The following MMP26 variants were observed in gnomAD, a reference collection of about 807,000 sequenced individuals.
The protein encoded by MMP26 is matrix metallopeptidase 26, also known as matrix metalloproteinase-26.
In MMP26, 33 loss-of-function variants were observed where a neutral mutation model predicts 31.0. The observed-to-expected ratio is 1.06, with a 90% confidence interval of 0.81 to 1.42. The LOEUF is 1.42. Among genes scored for constraint, MMP26 ranks in the 40% most tolerant of loss-of-function variants. The pLI, the probability that MMP26 is intolerant of heterozygous loss-of-function variation, is 0.00. For synonymous variants in MMP26, 122 were observed against 114.9 expected (o/e 1.06, Z -0.40); for missense variants, 347 against 316.1 (o/e 1.10, Z -0.74).
At position 4,962,907 on chromosome 11, in the gene MMP26, C is replaced by T. The variant is rs534169018; in HGVS notation, c.-144-25161C>T. 5.3e-5 allele frequency among the ~76,000 whole-genome samples: 8 copies of T among 152,266 alleles called. No individual in the cohort carries two copies. In the South Asian group the frequency reaches 1.7e-3, roughly 32 times the overall value. On this transcript the variant is annotated intron_variant, in intron 2 of 7. Transcript: ENST00000380390. Reference sequence around the variant, plus strand: ...GAAAGTTGATAAATAGTTGAGCCCACATGTCAAAGTACAGGGGAAATAGAA... The same window carrying T: ...GAAAGTTGATAAATAGTTGAGCCCATATGTCAAAGTACAGGGGAAATAGAA...
chr11:4,920,883 GC>G (rs1211139758), intron 2 of MMP26, among the ~76,000 whole-genome samples: 1 of 152,130 alleles, frequency 6.6e-6, no homozygotes, highest in African/African-American at 2.4e-5. Flanking sequence ...AAAATAAAGT[GC>G]TTCTAGTAGT....
intron 2 of MMP26, among the ~76,000 whole-genome samples, chr11:4,896,965 G>A (rs778230661): frequency 4.0e-5 from 6 of 151,698 alleles, no homozygotes; most frequent in South Asian, 2.1e-4. Flanking sequence ...CTTTTTCCCC[G>A]GTAGTATGTC....
At chr11:4,908,134 C>T in intron 2 of MMP26, 1 of 1,614,200 alleles carries the variant, frequency 6.2e-7, no homozygotes, top group Non-Finnish European at 8.5e-7. Context: ...TGCCCATCAT[C>T]ACCCTGGCTG....
chr11:4,886,734 G>A (rs958803709), intron 2 of MMP26, among the ~76,000 whole-genome samples: 2 of 87,820 alleles, frequency 2.3e-5, no homozygotes, highest in Non-Finnish European at 3.6e-5. Flanking sequence ...CTTTATTTTT[G>A]ACAGACAGCC....
chr11:4,742,229 A>G (rs973329561), intron 1 of MMP26, among the ~76,000 whole-genome samples: 1 of 152,264 alleles, frequency 6.6e-6, no homozygotes, highest in Non-Finnish European at 1.5e-5. Context: ...GTTAATCACA[A>G]CAAAGTCCCT....
At chr11:4,849,627 C>T (rs554635224) in intron 2 of MMP26, among the ~76,000 whole-genome samples, 11 of 152,236 alleles carry the variant, frequency 7.2e-5, no homozygotes, top group African/African-American at 1.9e-4. Context: ...CCTTAAGATA[C>T]TTACATTTTG....
At chr11:4,848,935 T>C (rs1386248447) in intron 2 of MMP26, 2 of 1,613,916 alleles carry the variant, frequency 1.2e-6, no homozygotes, top group Admixed American at 3.3e-5. Context: ...GCAAGGGCGA[T>C]GCCCAGCAGT....
chr11:4,926,158 C>A lies in MMP26; in HGVS notation c.-144-61910C>A, dbSNP rs1271720583. Among the ~76,000 whole-genome samples, 6 of 142,830 alleles carry A rather than the reference C, an allele frequency of 4.2e-5. No individual in the cohort carries two copies. In the East Asian group the frequency reaches 1.3e-3, roughly 31 times the overall value. 93.7% of individuals were successfully genotyped at this position (142,830 alleles called of 152,430 possible). A position where few individuals can be genotyped will look rare whatever the true frequency, so the allele number is the denominator to read the frequency against. On this transcript the variant is annotated intron_variant, in intron 2 of 7. Coordinates refer to ENST00000380390, the MANE Select transcript of MMP26 (RefSeq NM_021801.5). ...TCACATTTCAAATCCAAATGAATAACAATAAAATAATAACAATTTAATATA... is the reference window on the plus strand; with the variant it reads ...TCACATTTCAAATCCAAATGAATAAAAATAAAATAATAACAATTTAATATA...
Position 4,848,530 on chromosome 11 carries a change from G to A in MMP26, c.-145+81189G>A, listed in dbSNP as rs1055698514. On this transcript the variant is annotated intron_variant, in intron 2 of 7. Transcript: ENST00000380390. ...ACACCTTGCAACACCTTGCCAATCA[G>A]GCCATAGGAGAAGAAAATAAGCAGG... 7 of 1,613,174 alleles carry A rather than the reference G, an allele frequency of 4.3e-6. No individual in the cohort carries two copies. In the African/African-American group the frequency reaches 9.3e-5, roughly 22 times the overall value.
intron 2 of MMP26, among the ~76,000 whole-genome samples, chr11:4,906,036 T>A (rs889356607): frequency 1.3e-5 from 2 of 152,194 alleles, no homozygotes; most frequent in Non-Finnish European, 2.9e-5. Context: ...TAAGATTAAA[T>A]AATCCAATCA....
intron 2 of MMP26, chr11:4,882,094 C>T: frequency 6.2e-7 from 1 of 1,613,978 alleles, no homozygotes; most frequent in Non-Finnish European, 8.5e-7. Flanking sequence ...ATTATTTCCT[C>T]TCCATGCTGG....
intron 2 of MMP26, chr11:4,875,997 G>A (rs139859394): frequency 6.6e-5 from 10 of 152,010 alleles, no homozygotes; most frequent in African/African-American, 2.2e-4. Context: ...TACATCATAC[G>A]AGTGCCAAAG....
chr11:4,772,873 T>C (rs1194890583), intron 2 of MMP26, among the ~76,000 whole-genome samples: 1 of 152,176 alleles, frequency 6.6e-6, no homozygotes, highest in Admixed American at 6.5e-5. Flanking sequence ...TCAGCTATTT[T>C]TCTTTGATTT....
chr11:4,874,565 G>GGTGTGTGTGTGTGT (rs35692032), intron 2 of MMP26, among the ~76,000 whole-genome samples: 18 of 149,052 alleles, frequency 1.2e-4, no homozygotes, highest in African/African-American at 4.0e-4. Context: ...GTGGTGTGTT[G>GGTGTGTGTGTGTGT]GTGTGTGTGT....
intron 1 of MMP26, among the ~76,000 whole-genome samples, chr11:4,748,590 A>AAC (rs1355310248): frequency 1.3e-5 from 2 of 151,656 alleles, no homozygotes; most frequent in Admixed American, 6.6e-5. Flanking sequence ...AAAAAAAAAA[A>AAC]ACACAACAAT....
intron 1 of MMP26, chr11:4,712,555 GAA>G: frequency 6.6e-6 from 1 of 152,234 alleles, no homozygotes; most frequent in South Asian, 2.1e-4. Flanking sequence ...ATATGGATAG[GAA>G]AAGTTTTCAA....
intron 2 of MMP26, among the ~76,000 whole-genome samples, chr11:4,897,977 A>T (rs1046619179): frequency 4.7e-5 from 7 of 148,806 alleles, no homozygotes; most frequent in African/African-American, 1.7e-4. Context: ...TAATAAATTT[A>T]AAAAGTTTCT....
chr11:4,709,049 G>A (rs1002809533), intron 1 of MMP26, among the ~76,000 whole-genome samples: 11 of 151,990 alleles, frequency 7.2e-5, no homozygotes, highest in African/African-American at 2.4e-4. Flanking sequence ...TTGATCAGGA[G>A]TATTTTACTA....
intron 2 of MMP26, among the ~76,000 whole-genome samples, chr11:4,776,330 C>T (rs1848790522): frequency 6.6e-6 from 1 of 152,048 alleles, no homozygotes; most frequent in African/African-American, 2.4e-5. Flanking sequence ...ATTACTGGAT[C>T]AAATAACAGT....
Sources: gnomAD v4.1 joint callset for allele counts (sites outside exome capture counted in the v4.1 genomes callset) on GRCh38, gnomAD v4.1.1 for gene constraint, MANE v1.5 for transcripts, NCBI Gene and HGNC (gene_info 2026-07-23, HGNC 2026-07-21) for gene names.